CASK: variants seen among roughly 807,000 people sequenced by gnomAD.
The protein encoded by CASK is calcium/calmodulin dependent serine protein kinase, also known as peripheral plasma membrane protein CASK.
A neutral mutation model predicts 82.9 loss-of-function variants in CASK; 4 were observed. The ratio of observed to expected loss-of-function variants is 0.05; its 90% confidence interval spans 0.02 to 0.11. The LOEUF is 0.11. Ranked by LOEUF, CASK falls within the 10% of genes least tolerant of loss-of-function variation. The pLI, the probability that CASK is intolerant of heterozygous loss-of-function variation, is 1.00. For synonymous variants in CASK, 259 were observed against 253.5 expected, an observed-to-expected ratio of 1.02 and a Z score of -0.20; for missense variants, 358 against 720.9, an observed-to-expected ratio of 0.50 and a Z score of 5.76.
chrX:41,813,542 T>G (rs1267754641), intron 2 of CASK, among the ~76,000 whole-genome samples: 1 of 111,586 alleles, frequency 9.0e-6, no homozygotes, highest in Non-Finnish European at 1.9e-5. Flanking sequence ...TAGCCATATG[T>G]AGAAAGCTGA....
At chrX:41,909,615 G>GC (rs1556306512) in intron 1 of CASK, among the ~76,000 whole-genome samples, 1 of 104,916 alleles carries the variant, frequency 9.5e-6, no homozygotes, top group East Asian at 3.0e-4. Context: ...TTCTTGTTTT[G>GC]TTTTTTTTTT....
chrX:41,860,576 A>T (rs182834660), intron 1 of CASK, among the ~76,000 whole-genome samples: 4 of 111,690 alleles, frequency 3.6e-5, no homozygotes. Context: ...AAGCTTTTCA[A>T]CCTAAAGGTT....
chrX:41,689,724 ATTTTCAT>A (rs1285972833), intron 5 of CASK: 1 of 112,320 alleles, frequency 8.9e-6, no homozygotes, highest in Non-Finnish European at 1.9e-5. Context: ...TATGTTTTCA[ATTTTCAT>A]TTTTTATACA....
chrX:41,763,310 T>C (rs1389007269), intron 3 of CASK, among the ~76,000 whole-genome samples: 3 of 111,157 alleles, frequency 2.7e-5, no homozygotes, highest in African/African-American at 9.8e-5. Context: ...CTTGGATTCC[T>C]GAGATCTTTT....
At chrX:41,693,066 T>C (rs1471350752) in intron 5 of CASK, among the ~76,000 whole-genome samples, 1 of 111,443 alleles carries the variant, frequency 9.0e-6, no homozygotes, top group Non-Finnish European at 1.9e-5. Context: ...AATTCTAACA[T>C]GAGAGAAGAA....
intron 1 of CASK, among the ~76,000 whole-genome samples, chrX:41,889,601 A>AT (rs2072127419): frequency 8.9e-6 from 1 of 111,989 alleles, no homozygotes; most frequent in African/African-American, 3.3e-5. Flanking sequence ...CAATATTTTG[A>AT]AAGTAACATT....
At chrX:41,691,441 CT>C (rs2067555850) in intron 5 of CASK, among the ~76,000 whole-genome samples, 1 of 111,706 alleles carries the variant, frequency 9.0e-6, no homozygotes, top group Admixed American at 9.5e-5. Context: ...CAAAATACTG[CT>C]GATAGAACTC....
chrX:41,686,139 G>C (rs1344344870), intron 5 of CASK, among the ~76,000 whole-genome samples: 2 of 110,634 alleles, frequency 1.8e-5, no homozygotes, highest in African/African-American at 6.6e-5. Context: ...ACCCAGGCTG[G>C]AGTGCAATGG....
intron 5 of CASK, among the ~76,000 whole-genome samples, chrX:41,723,767 G>A (rs2068206915): frequency 8.9e-6 from 1 of 112,045 alleles, no homozygotes; most frequent in Non-Finnish European, 1.9e-5. Context: ...ATTCTAGTAA[G>A]TTATAAGAAA....
chrX:41,881,380 T>A (rs2071951157), intron 1 of CASK, among the ~76,000 whole-genome samples: 3 of 111,660 alleles, frequency 2.7e-5, no homozygotes, highest in African/African-American at 9.7e-5. Context: ...TTCAGTTCCC[T>A]TTTTATACTG....
chrX:41,524,121 C>T, intron 25 of CASK, 87 bp from the exon 26 acceptor site: 1 of 724,354 alleles, frequency 1.4e-6, no homozygotes, highest in Non-Finnish European at 2.1e-6. Context: ...AATTTTTATA[C>T]AACTGAAAAT....
At chrX:41,865,014 A>G (rs923732658) in intron 1 of CASK, among the ~76,000 whole-genome samples, 1 of 112,294 alleles carries the variant, frequency 8.9e-6, no homozygotes, top group African/African-American at 3.2e-5. Flanking sequence ...AAATTTGAAA[A>G]TAAGAGTATA....
At chrX:41,849,397 T>C (rs1159176946) in intron 2 of CASK, among the ~76,000 whole-genome samples, 15 of 111,670 alleles carry the variant, frequency 1.3e-4, no homozygotes, top group Admixed American at 1.3e-3. Context: ...GATAATAATC[T>C]AGGAAATTCA....
intron 1 of CASK, among the ~76,000 whole-genome samples, chrX:41,857,119 G>A (rs1394187758): frequency 1.8e-5 from 2 of 110,815 alleles, no homozygotes; most frequent in African/African-American, 3.3e-5. Context: ...CTGCACCTTC[G>A]GAGCTCTCTT....
chrX:41,676,107 C>T (rs1279128580), intron 5 of CASK: 3 of 1,151,739 alleles, frequency 2.6e-6, no homozygotes, highest in Non-Finnish European at 1.2e-6. Context: ...GCAACCTCTG[C>T]CAAGTAATGG....
chrX:41,772,206 C>A (rs2069255719), intron 3 of CASK, among the ~76,000 whole-genome samples: 1 of 108,632 alleles, frequency 9.2e-6, no homozygotes, highest in African/African-American at 3.4e-5. Flanking sequence ...CAAAAATTAG[C>A]CTGGCATGGT....
At chrX:41,757,899 T>A (rs530827931) in intron 3 of CASK, among the ~76,000 whole-genome samples, 6 of 112,337 alleles carry the variant, frequency 5.3e-5, no homozygotes, top group Admixed American at 3.8e-4. Context: ...CAGCATACTA[T>A]CCCACATATT....
At chrX:41,813,104 A>G (rs2070332830) in intron 2 of CASK, among the ~76,000 whole-genome samples, 1 of 111,848 alleles carries the variant, frequency 8.9e-6, no homozygotes, top group African/African-American at 3.3e-5. Flanking sequence ...ACACAAACAA[A>G]TGGAAGAACA....
intron 5 of CASK, among the ~76,000 whole-genome samples, chrX:41,704,292 G>A (rs754959863): frequency 8.9e-6 from 1 of 111,793 alleles, no homozygotes; most frequent in East Asian, 2.8e-4. Flanking sequence ...CAAGGACCAA[G>A]CTAAAGAACT....
Sources: gnomAD v4.1 joint callset for allele counts (sites outside exome capture counted in the v4.1 genomes callset) on GRCh38, gnomAD v4.1.1 for gene constraint, MANE v1.5 for transcripts, NCBI Gene and HGNC (gene_info 2026-07-23, HGNC 2026-07-21) for gene names.